The following CLEC16A variants were observed in gnomAD, a reference collection of about 807,000 sequenced individuals.
CLEC16A encodes C-type lectin domain containing 16A, also known as protein CLEC16A.
In CLEC16A, 51 loss-of-function variants were observed where a neutral mutation model predicts 109.5. The ratio of observed to expected loss-of-function variants is 0.47; its 90% confidence interval spans 0.37 to 0.59. The LOEUF (loss-of-function observed/expected upper bound fraction) is 0.59. CLEC16A is among the 20% of genes least tolerant of loss of function. The pLI, the probability that CLEC16A is intolerant of heterozygous loss-of-function variation, is 0.00. For missense variants in CLEC16A, 1,339 were observed against 1,394.0 expected (o/e 0.96, Z 0.63); for synonymous variants, 673 against 564.2 (o/e 1.19, Z -2.73).
In CLEC16A at chr16:11,036,769, A is replaced by C. The variant is rs188182789; in HGVS notation, c.1538-2985A>C. ...TCACCACATTGGCCAGGCTGATCTC[A>C]AACTCCTGACCTCAGGCGATCTGCC... On this transcript the variant is annotated intron_variant, in intron 13 of 23. Coordinates refer to ENST00000409790, the MANE Select transcript of CLEC16A (RefSeq NM_015226.3). 1.4e-3 allele frequency among the ~76,000 whole-genome samples: 209 copies of C among 152,038 alleles called. 3 individuals are homozygous for C. The highest frequency in any genetic ancestry group is 0.011 in the South Asian group (51 of 4,802).
At chr16:11,105,399 G>A (rs1011496756) in intron 19 of CLEC16A, among the ~76,000 whole-genome samples, 4 of 152,190 alleles carry the variant, frequency 2.6e-5, no homozygotes, top group Non-Finnish European at 4.4e-5. Flanking sequence ...GTAGACTTCA[G>A]CAGTCAGAGA....
At chr16:11,125,863 T>G (rs12924112) in intron 21 of CLEC16A, 116 bp from the exon 22 acceptor site, 271,683 of 879,540 alleles carry the variant, frequency 0.31, 49,024 homozygotes, top group South Asian at 0.43. Context: ...ACTTGGCGTC[T>G]CCCAAGTGAT....
chr16:11,120,577 G>T, intron 19 of CLEC16A, 38 bp from the exon 20 acceptor site: 2 of 1,574,750 alleles, frequency 1.3e-6, no homozygotes, highest in South Asian at 2.4e-5. Flanking sequence ...TGGGCAGCCA[G>T]ACTGTGCCTC....
intron 12 of CLEC16A, among the ~76,000 whole-genome samples, chr16:11,021,379 G>A (rs1047987428): frequency 1.3e-5 from 2 of 152,234 alleles, no homozygotes; most frequent in African/African-American, 4.8e-5. Flanking sequence ...TGAAAAATAA[G>A]TAATTCTAAA....
At chr16:11,157,222 C>G in intron 22 of CLEC16A, 4 of 1,226,008 alleles carry the variant, frequency 3.3e-6, no homozygotes, top group Non-Finnish European at 4.2e-6. Context: ...AGTATTTAAG[C>G]GTTGTGAGGT....
chr16:11,117,532 A>T (rs1567342553), intron 19 of CLEC16A, among the ~76,000 whole-genome samples: 1 of 152,208 alleles, frequency 6.6e-6, no homozygotes, highest in Non-Finnish European at 1.5e-5. Flanking sequence ...TTTGTAAAAC[A>T]TGATTTTTAA....
chr16:10,973,419 C>T (rs2042887876), intron 7 of CLEC16A, among the ~76,000 whole-genome samples: 1 of 152,186 alleles, frequency 6.6e-6, no homozygotes, highest in Non-Finnish European at 1.5e-5. Context: ...GAAGTGCTGA[C>T]ACTTGGTGTG....
rs747277078 is a variant in CLEC16A, at chr16:11,003,163, G to T, written c.1161G>T (p.Val387=). 6 of 1,613,418 alleles carry T rather than the reference G, an allele frequency of 3.7e-6. No individual in the cohort carries two copies. Among genetic ancestry groups the T allele is most frequent in the Non-Finnish European group, 5.1e-6 (6 of 1,179,840 alleles). The change falls in exon 11 of 24, where the codon GTG becomes GTT. Residue 387 remains valine (V), a synonymous_variant. Coordinates refer to ENST00000409790, the MANE Select transcript of CLEC16A (RefSeq NM_015226.3). ...ACAAGCACAAGGGCAAGAGGCGGGT[G>T]CAAAAGAGACCCAACTACAAAAACG... The part of the protein sequence containing the change: ...EMNKHKGKRR[V]QKRPNYKNVG...
At chr16:11,135,934 A>G (rs2053534796) in intron 22 of CLEC16A, 3 of 152,382 alleles carry the variant, frequency 2.0e-5, no homozygotes, top group Admixed American at 1.3e-4. Context: ...CTAGTGCATA[A>G]CAGAAAAGAC....
In CLEC16A at chr16:10,954,077, T is replaced by C. The variant is rs748352619; in HGVS notation, c.81-3705T>C. Among the ~76,000 whole-genome samples, 1 of 151,986 alleles carries C rather than the reference T, an allele frequency of 6.6e-6. No individual in the cohort carries two copies. The highest frequency in any genetic ancestry group is 1.5e-5 in the Non-Finnish European group (1 of 68,018). ...ATGAACAGGCACCCGGTTTCACTAC[T>C]GGAAGAAAGCCCCCACGCAATATCA... On this transcript the variant is annotated intron_variant, in intron 1 of 23. Coordinates refer to ENST00000409790, the MANE Select transcript of CLEC16A (RefSeq NM_015226.3). This position sits in a 1 kb window ranked among gnomAD's most constrained non-coding sequence, Gnocchi z 4.2.
chr16:11,140,356 G>T (rs942027366), intron 22 of CLEC16A, among the ~76,000 whole-genome samples: 1 of 152,148 alleles, frequency 6.6e-6, no homozygotes, highest in East Asian at 1.9e-4. Context: ...CCCCACCACC[G>T]CTCTTAGTAA....
chr16:11,063,191 C>T (rs75597398), intron 19 of CLEC16A, among the ~76,000 whole-genome samples: 121 of 150,848 alleles, frequency 8.0e-4, no homozygotes, highest in Non-Finnish European at 9.9e-4. Context: ...GGGCGACTTT[C>T]AGAAAATAGT....
At chr16:11,047,175 A>G in intron 16 of CLEC16A, 117 bp from the exon 17 acceptor site, 1 of 620,076 alleles carries the variant, frequency 1.6e-6, no homozygotes, top group Non-Finnish European at 2.6e-6. Context: ...GATTTACGAG[A>G]ACTCACTAAT....
At position 11,108,882 on chromosome 16, in the gene CLEC16A, G is replaced by A. The variant is rs1008977090; in HGVS notation, c.2117-11733G>A. On this transcript the variant is annotated intron_variant, in intron 19 of 23. Transcript: ENST00000409790. ...TCCCAGCACTTTGGGAGGCCGAGGCGGGCGGATCACGAGGTCAGGAGATCG... is the reference window on the plus strand; with the variant it reads ...TCCCAGCACTTTGGGAGGCCGAGGCAGGCGGATCACGAGGTCAGGAGATCG... 6.6e-5 allele frequency among the ~76,000 whole-genome samples: 10 copies of A among 152,122 alleles called. No homozygotes were observed. In the South Asian group the frequency reaches 1.7e-3, roughly 25 times the overall value.
chr16:10,951,190 A>AGGAC, intron 1 of CLEC16A, among the ~76,000 whole-genome samples: 1 of 152,106 alleles, frequency 6.6e-6, no homozygotes, highest in East Asian at 1.9e-4. Context: ...CAGGCATTTC[A>AGGAC]AACTCTGAAG....
At chr16:11,109,508 A>G (rs1308059831) in intron 19 of CLEC16A, among the ~76,000 whole-genome samples, 1 of 152,152 alleles carries the variant, frequency 6.6e-6, no homozygotes, top group South Asian at 2.1e-4. Context: ...ATGGTGCTGC[A>G]TCCCCAACTC....
intron 18 of CLEC16A, among the ~76,000 whole-genome samples, chr16:11,055,030 G>A (rs1413830506): frequency 6.6e-6 from 1 of 151,546 alleles, no homozygotes; most frequent in Non-Finnish European, 1.5e-5. Context: ...TGTCAAAGAG[G>A]TTCAAACAAT....
intron 18 of CLEC16A, among the ~76,000 whole-genome samples, chr16:11,059,363 C>T (rs1009791568): frequency 4.6e-5 from 7 of 152,336 alleles, no homozygotes; most frequent in Non-Finnish European, 5.9e-5. Flanking sequence ...GCTGATCTTT[C>T]TCCAGTGCTT....
At chr16:10,987,094 G>A (rs1254865290) in intron 10 of CLEC16A, among the ~76,000 whole-genome samples, 1 of 151,948 alleles carries the variant, frequency 6.6e-6, no homozygotes, top group East Asian at 1.9e-4. Flanking sequence ...GGCCTCAAGT[G>A]ATCTGCCCGT....
Sources: allele counts gnomAD v4.1 joint callset (sites outside exome capture counted in the v4.1 genomes callset), GRCh38; gene constraint gnomAD v4.1.1; non-coding constraint Gnocchi (gnomAD v3.1); transcripts MANE v1.5; gene names NCBI Gene and HGNC (gene_info 2026-07-23, HGNC 2026-07-21).